PRRG3: variants seen among roughly 807,000 people sequenced by gnomAD.
PRRG3 encodes transmembrane gamma-carboxyglutamic acid protein 3.
Under a neutral mutation model 15.8 loss-of-function variants are expected in PRRG3, and 21 were observed. That is an observed-to-expected ratio of 1.33 (90% CI 0.94 to 1.92). The LOEUF is 1.92. Ranked by LOEUF, PRRG3 falls within the 40% of genes most tolerant of loss-of-function variation. PRRG3 has a pLI of 0.00. For synonymous variants in PRRG3, 125 were observed against 84.1 expected, an observed-to-expected ratio of 1.49 and a Z score of -2.66; for missense variants, 251 against 200.2, an observed-to-expected ratio of 1.25 and a Z score of -1.53.
At position 151,700,669 on chromosome X, in the gene PRRG3, A is replaced by G. The variant is rs778667847; in HGVS notation, c.332A>G (p.His111Arg). 1 of 1,210,949 alleles carries G rather than the reference A, an allele frequency of 8.3e-7. No individual in the cohort carries two copies. Among genetic ancestry groups the G allele is most frequent in the East Asian group, 3.0e-5 (1 of 33,818 alleles). ...TGCCAGCTGCAGAAAGCGACCCGTC[A>G]CCACCCCTCCTATGCTCAGAACCGG... ...WRCQLQKATR[H>R]HPSYAQNRYL... is the part of the protein sequence containing the mutation. Residue 111 changes from histidine (H) to arginine (R), a missense_variant, in exon 4 of 4, where the codon CAC becomes CGC. His to Arg is a conservative substitution (Grantham distance 29, BLOSUM62 0). Coordinates refer to ENST00000674457, the MANE Select transcript of PRRG3 (RefSeq NM_001372163.1).
chrX:151,700,344 A>G, intron 3 of PRRG3, 162 bp from the exon 4 acceptor site: 1 of 1,144,738 alleles, frequency 8.7e-7, no homozygotes, highest in African/African-American at 1.8e-5. Context: ...GGTCCTCCTC[A>G]CTTGGGAGCA....
chrX:151,700,649 G>C lies in PRRG3; in HGVS notation c.312G>C (p.Gln104His), dbSNP rs1158703370. The change falls in exon 4 of 4, where the codon CAG becomes CAC. Residue 104 changes from glutamine (Q) to histidine (H), a missense_variant. Gln to His is a conservative substitution (Grantham distance 24). Coordinates refer to ENST00000674457, the MANE Select transcript of PRRG3 (RefSeq NM_001372163.1). ...VIALFIIWRC[Q>H]LQKATRHHPS... ...CCTTGTTCATCATCTGGAGGTGCCA[G>C]CTGCAGAAAGCGACCCGTCACCACC... is the stretch of plus-strand genomic sequence containing the variant. 8.3e-7 allele frequency: 1 copy of C among 1,209,436 alleles called. No individual in the cohort carries two copies. Among genetic ancestry groups the C allele is most frequent in the Non-Finnish European group, 1.1e-6 (1 of 895,037 alleles).
rs768041636 is a variant in PRRG3, at chrX:151,700,728, C to T, written c.391C>T (p.Arg131Trp). Residue 131 changes from arginine to tryptophan, a missense_variant, in exon 4 of 4, where the codon CGG becomes TGG. Transcript: ENST00000674457. ...CAGTCGCGCCGGGCACACCCTCCCCCGGGTCATGGTGTACCGGGGTACTGT... is the reference window on the plus strand; with the variant it reads ...CAGTCGCGCCGGGCACACCCTCCCCTGGGTCATGGTGTACCGGGGTACTGT... ...LASRAGHTLP[R>W]VMVYRGTVHS... 47 of 1,207,663 alleles carry T rather than the reference C, an allele frequency of 3.9e-5. No individual in the cohort carries two copies. The highest frequency in any genetic ancestry group is 2.7e-4 in the South Asian group (15 of 56,450).
chrX:151,703,772 C>T lies in PRRG3; in HGVS notation c.*2739C>T, dbSNP rs934321197. 1.8e-5 allele frequency: 2 copies of T among 109,314 alleles called. No homozygotes were observed. The highest frequency in any genetic ancestry group is 6.7e-5 in the African/African-American group (2 of 29,863). The allele number at this position is 109,314 out of a possible 1,213,427, so 9.0% of individuals were successfully genotyped here. A position where few individuals can be genotyped will look rare whatever the true frequency, so the allele number is the denominator to read the frequency against. On this transcript the variant is annotated 3_prime_UTR_variant, in exon 4 of 4. Transcript: ENST00000674457. Reference sequence around the variant, plus strand: ...CCACCCTATGCAACCCCCGCTCACACGCCCTTTTGGCATGGTGCCCCTGGC... The same window carrying T: ...CCACCCTATGCAACCCCCGCTCACATGCCCTTTTGGCATGGTGCCCCTGGC...
chrX:151,696,486 T>C (rs764905115), intron 1 of PRRG3, among the ~76,000 whole-genome samples: 8 of 110,828 alleles, frequency 7.2e-5, no homozygotes, highest in Non-Finnish European at 1.5e-4. Flanking sequence ...TGTATTCGGG[T>C]CTATGATAGG....
In PRRG3 at chrX:151,700,520, A is replaced by G. The variant is rs1569422165; in HGVS notation, c.183A>G (p.Lys61=). Residue 61 remains lysine, a synonymous_variant, in exon 4 of 4, where the codon AAA becomes AAG. Coordinates refer to ENST00000674457, the MANE Select transcript of PRRG3 (RefSeq NM_001372163.1). The part of the protein sequence containing the change: ...ENKEKTMEFW[K]GYPNAVYSVR... ...TTCTTTTGCAGATGGAGTTCTGGAA[A>G]GGGTACCCAAATGCAGTCTACTCTG... is the stretch of plus-strand genomic sequence containing the variant. 1 of 1,182,147 alleles carries G rather than the reference A, an allele frequency of 8.5e-7. No individual in the cohort carries two copies. Among genetic ancestry groups the G allele is most frequent in the South Asian group, 1.9e-5 (1 of 53,272 alleles).
chrX:151,695,311 G>A (rs1395715887), upstream of PRRG3: 1 of 111,040 alleles, frequency 9.0e-6, no homozygotes, highest in African/African-American at 3.3e-5. Flanking sequence ...GCTGCGAGGG[G>A]CGGGGGTTCC....
In PRRG3 at chrX:151,700,491, C is replaced by G. The variant is rs757801343; in HGVS notation, c.169-15C>G. ...GAGCTTGAGCTTCTCTTAAGTACCA[C>G]TTTTTCTTTTGCAGATGGAGTTCTG... On this transcript the variant is annotated splice_polypyrimidine_tract_variant and intron_variant, in intron 3 of 3. Transcript: ENST00000674457. The G allele has an allele frequency of 5.0e-5, 58 of 1,169,768 alleles. No individual in the cohort carries two copies. Among genetic ancestry groups the G allele is most frequent in the Non-Finnish European group, 4.6e-6 (4 of 872,109 alleles).
At chrX:151,697,094 TCCTC>T (rs1556247565) in intron 1 of PRRG3, among the ~76,000 whole-genome samples, 1 of 75,836 alleles carries the variant, frequency 1.3e-5, no homozygotes, top group Non-Finnish European at 2.4e-5. Flanking sequence ...CTTCCTTCCT[TCCTC>T]CCTCCCTCCC....
Position 151,702,055 on chromosome X carries a change from G to C in PRRG3, c.*1022G>C, listed in dbSNP as rs5924678. The C allele has an allele frequency of 0.29, 32,310 of 110,977 alleles. 3,590 individuals carry two copies. The highest frequency in any genetic ancestry group is 0.36 in the Middle Eastern group (77 of 213). The allele number at this position is 110,977 out of a possible 1,213,427, so 9.1% of individuals were successfully genotyped here. A position where few individuals can be genotyped will look rare whatever the true frequency, so the allele number is the denominator to read the frequency against. On this transcript the variant is annotated 3_prime_UTR_variant, in exon 4 of 4. Transcript: ENST00000674457. The stretch of plus-strand genomic sequence containing the variant: ...CAGGTGCCAGTCTGTTTTCAGTGAG[G>C]CTTTGGACAGCAGTGGGGCAGAAGG...
intron 2 of PRRG3, 108 bp downstream of exon 2, chrX:151,698,929 C>A (rs2014813621): frequency 1.4e-6 from 1 of 735,594 alleles, no homozygotes. Flanking sequence ...CCCAAGTGGG[C>A]CTGTAGCCAT....
chrX:151,697,397 G>A (rs1243379119), intron 1 of PRRG3, among the ~76,000 whole-genome samples: 1 of 110,483 alleles, frequency 9.1e-6, no homozygotes, highest in Non-Finnish European at 1.9e-5. Flanking sequence ...CTCCTGACCT[G>A]AGGTGATCCG....
Position 151,700,865 on chromosome X carries a change from C to G in PRRG3, c.528C>G (p.Tyr176Ter), listed in dbSNP as rs752173615. The G allele has an allele frequency of 3.3e-6, 4 of 1,208,402 alleles. No homozygotes were observed. Among genetic ancestry groups the G allele is most frequent in the Non-Finnish European group, 4.5e-6 (4 of 893,745 alleles). The change falls in exon 4 of 4, where the codon TAC becomes TAG. Residue 176 changes from tyrosine to a stop codon, truncating the protein, a stop_gained. Coordinates refer to ENST00000674457, the MANE Select transcript of PRRG3 (RefSeq NM_001372163.1). LOFTEE classifies it high-confidence loss of function. The part of the protein sequence containing the change: ...RTTVRLESTL[Y>*]LPELSLSRLS... ...CAGTCCGGCTAGAGAGCACCCTCTA[C>G]CTCCCTGAGCTCTCTCTCTCCAGAC...
chrX:151,701,095 A>G lies in PRRG3; in HGVS notation c.*62A>G. The G allele has an allele frequency of 9.9e-7, 1 of 1,013,852 alleles. No homozygotes were observed. Among genetic ancestry groups the G allele is most frequent in the Non-Finnish European group, 1.3e-6 (1 of 770,734 alleles). 83.6% of individuals were successfully genotyped at this position (1,013,852 alleles called of 1,213,427 possible). A position where few individuals can be genotyped will look rare whatever the true frequency, so the allele number is the denominator to read the frequency against. ...TTCCGAGGTCTCCTATTTTCTTTTT[A>G]ACTTTTTAAAGACTGTGCCACCACA... On this transcript the variant is annotated 3_prime_UTR_variant, in exon 4 of 4. Transcript: ENST00000674457.
rs1366213224 is a variant in PRRG3, at chrX:151,700,608, C to G, written c.271C>G (p.Leu91Val). 2 of 1,209,826 alleles carry G rather than the reference C, an allele frequency of 1.7e-6. No homozygotes were observed. Among genetic ancestry groups the G allele is most frequent in the Admixed American group, 4.4e-5 (2 of 45,834 alleles). The stretch of plus-strand genomic sequence containing the variant: ...GGTGGTACCCCTTCTGGGGGTGGCA[C>G]TGCTGATTGTCATCGCCTTGTTCAT... ...YVVVPLLGVA[L>V]LIVIALFIIW... Residue 91 changes from leucine to valine, a missense_variant, in exon 4 of 4, where the codon CTG becomes GTG. Coordinates refer to ENST00000674457, the MANE Select transcript of PRRG3 (RefSeq NM_001372163.1).
Position 151,700,588 on chromosome X carries a change from T to C in PRRG3, c.251T>C (p.Val84Ala). 1 of 1,210,281 alleles carries C rather than the reference T, an allele frequency of 8.3e-7. No individual in the cohort carries two copies. Among genetic ancestry groups the C allele is most frequent in the Non-Finnish European group, 1.1e-6 (1 of 894,000 alleles). ...SQSSDAMYVVVPLLGVALLIV... is the reference protein window; with the variant it reads ...SQSSDAMYVVAPLLGVALLIV... Reference sequence around the variant, plus strand: ...AGCTCAGATGCCATGTATGTGGTGGTACCCCTTCTGGGGGTGGCACTGCTG... The same window carrying C: ...AGCTCAGATGCCATGTATGTGGTGGCACCCCTTCTGGGGGTGGCACTGCTG... The change falls in exon 4 of 4, where the codon GTA (valine) becomes GCA (alanine). Residue 84 changes from valine to alanine, a missense_variant. Val to Ala is a moderately conservative substitution (Grantham distance 64). Coordinates refer to ENST00000674457, the MANE Select transcript of PRRG3 (RefSeq NM_001372163.1).
Position 151,705,083 on chromosome X carries a change from A to G in PRRG3, c.*4050A>G. On this transcript the variant is annotated 3_prime_UTR_variant, in exon 4 of 4. Transcript: ENST00000674457. The stretch of plus-strand genomic sequence containing the variant: ...TTAAGGATCCCTTCACCGTGCCTTC[A>G]GCTTTGCAGTTCAGCACTTCTCGTA... 1 of 202,418 alleles carries G rather than the reference A, an allele frequency of 4.9e-6. No homozygotes were observed. The allele number at this position is 202,418 out of a possible 1,213,427, so 16.7% of individuals were successfully genotyped here.
Position 151,704,395 on chromosome X carries a change from A to G in PRRG3, c.*3362A>G, listed in dbSNP as rs762721613. ...TTGGTAGCCCGAATATGAGGAATTC[A>G]GGACAGGAAAGTGTCTTTTTGTCAA... On this transcript the variant is annotated 3_prime_UTR_variant, in exon 4 of 4. Coordinates refer to ENST00000674457, the MANE Select transcript of PRRG3 (RefSeq NM_001372163.1). 1.8e-5 allele frequency: 2 copies of G among 111,954 alleles called. No homozygotes were observed. The highest frequency in any genetic ancestry group is 3.8e-4 in the South Asian group (1 of 2,635). The allele number at this position is 111,954 out of a possible 1,213,427, so 9.2% of individuals were successfully genotyped here.
Position 151,700,889 on chromosome X carries a change from A to C in PRRG3, c.552A>C (p.Arg184Ser), listed in dbSNP as rs750204396. Reference sequence around the variant, plus strand: ...ACCTCCCTGAGCTCTCTCTCTCCAGACTGTCCAGCACCACCCCTCCCCCCT... The same window carrying C: ...ACCTCCCTGAGCTCTCTCTCTCCAGCCTGTCCAGCACCACCCCTCCCCCCT... ...TLYLPELSLSRLSSTTPPPSY... is the reference protein window; with the variant it reads ...TLYLPELSLSSLSSTTPPPSY... The change falls in exon 4 of 4, where the codon AGA becomes AGC. Residue 184 changes from arginine (R) to serine (S), a missense_variant. By Grantham distance (110) the Arg-to-Ser change is moderately radical. Coordinates refer to ENST00000674457, the MANE Select transcript of PRRG3 (RefSeq NM_001372163.1). The C allele has an allele frequency of 2.5e-6, 3 of 1,206,518 alleles. No individual in the cohort carries two copies. The Admixed American group carries it at 6.6e-5, about 27-fold the overall frequency.
Sources: gnomAD v4.1 joint callset for allele counts (sites outside exome capture counted in the v4.1 genomes callset) on GRCh38, gnomAD v4.1.1 for gene constraint, MANE v1.5 for transcripts, NCBI Gene and HGNC (gene_info 2026-07-23, HGNC 2026-07-21) for gene names.